Variants in GABRB3 observed in about 807,000 individuals in gnomAD.
The protein encoded by GABRB3 is gamma-aminobutyric acid receptor subunit beta-3.
A neutral mutation model predicts 52.1 loss-of-function variants in GABRB3; 14 were observed. The ratio of observed to expected loss-of-function variants is 0.27; its 90% CI spans 0.18 to 0.42. The LOEUF (loss-of-function observed/expected upper bound fraction) is 0.42. GABRB3 is among the 10% of genes least tolerant of loss of function. GABRB3 has a pLI of 1.00. For synonymous variants in GABRB3, 260 were observed against 232.3 expected (o/e 1.12, Z -1.08); for missense variants, 307 against 609.1 (o/e 0.50, Z 5.22).
chr15:26,722,174 T>C (rs1474126871), intron 3 of GABRB3, among the ~76,000 whole-genome samples: 2 of 152,164 alleles, frequency 1.3e-5, no homozygotes, highest in African/African-American at 2.4e-5. Flanking sequence ...CAAGGGTTGC[T>C]CATTAGAACA....
At chr15:26,671,816 G>A (rs1887907097) in intron 3 of GABRB3, among the ~76,000 whole-genome samples, 1 of 152,104 alleles carries the variant, frequency 6.6e-6, no homozygotes, top group African/African-American at 2.4e-5. Flanking sequence ...GGGGGACAAG[G>A]TGGTGAGGGC....
intron 3 of GABRB3, among the ~76,000 whole-genome samples, chr15:26,765,160 A>C (rs922091916): frequency 1.1e-4 from 16 of 147,308 alleles, no homozygotes; most frequent in Non-Finnish European, 1.9e-4. Flanking sequence ...AAACTTCCCT[A>C]TAATATACGA....
intron 6 of GABRB3, among the ~76,000 whole-genome samples, chr15:26,576,598 G>T (rs1890602286): frequency 1.3e-5 from 2 of 152,076 alleles, no homozygotes; most frequent in Non-Finnish European, 2.9e-5. Flanking sequence ...GATTTTAATG[G>T]AGAGATAAAA....
At chr15:26,723,085 A>T (rs943701154) in intron 3 of GABRB3, among the ~76,000 whole-genome samples, 1 of 152,194 alleles carries the variant, frequency 6.6e-6, no homozygotes, top group African/African-American at 2.4e-5. Flanking sequence ...CAAGTTCTGC[A>T]ATCATGGTAA....
chr15:26,567,662 T>G lies in GABRB3; in HGVS notation c.754A>C (p.Met252Leu). The G allele has an allele frequency of 6.2e-7, 1 of 1,614,142 alleles. No individual in the cohort carries two copies. Among genetic ancestry groups the G allele is most frequent in the Non-Finnish European group, 8.5e-7 (1 of 1,180,016 alleles). ...NIGYFILQTY[M>L]PSILITILSW... Reference sequence around the variant, plus strand: ...AGAATCGTTATCAGTATAGAGGGCATATAAGTCTGAAGAATGAAGTATCCA... The same window carrying G: ...AGAATCGTTATCAGTATAGAGGGCAGATAAGTCTGAAGAATGAAGTATCCA... Residue 252 changes from methionine (M) to leucine (L), a missense_variant, in exon 7 of 9, where the codon ATG (methionine) becomes CTG (leucine). Coordinates refer to ENST00000311550, the MANE Select transcript of GABRB3 (RefSeq NM_000814.6).
intron 3 of GABRB3, among the ~76,000 whole-genome samples, chr15:26,719,920 C>G (rs1482148586): frequency 1.3e-5 from 2 of 152,182 alleles, no homozygotes; most frequent in Non-Finnish European, 2.9e-5. Flanking sequence ...CATCATATCC[C>G]CTGTGACCTG....
intron 4 of GABRB3, chr15:26,590,128 T>C (rs780919621): frequency 6.6e-6 from 1 of 152,070 alleles, no homozygotes; most frequent in Non-Finnish European, 1.5e-5. Flanking sequence ...AATTCTTACC[T>C]GCAGAATTCA....
intron 3 of GABRB3, among the ~76,000 whole-genome samples, chr15:26,737,012 C>G (rs748953069): frequency 5.3e-5 from 8 of 152,226 alleles, no homozygotes; most frequent in South Asian, 4.1e-4. Context: ...GATTTTCCCT[C>G]TTAGCCTCCT....
At chr15:26,767,163 A>C (rs1891019782) in intron 3 of GABRB3, 1 of 152,156 alleles carries the variant, frequency 6.6e-6, no homozygotes, top group Non-Finnish European at 1.5e-5. Flanking sequence ...TCCCAAATGG[A>C]GCAACCTAGA....
At chr15:26,753,882 G>C (rs897100937) in intron 3 of GABRB3, among the ~76,000 whole-genome samples, 2 of 152,166 alleles carry the variant, frequency 1.3e-5, no homozygotes, top group Non-Finnish European at 2.9e-5. Context: ...TCTTCTGATG[G>C]AAACAGAACT....
rs1555383013 is a variant in GABRB3 at position 26,760,805 on chromosome 15, G to GCACACACACACACA, written c.240+11596_240+11597insTGTGTGTGTGTGTG. Among the ~76,000 whole-genome samples the GCACACACACACACA allele has an allele frequency of 4.5e-4, 8 of 17,656 alleles. No individual in the cohort carries two copies. The South Asian group carries it at 0.028, about 61-fold the overall frequency. 11.6% of individuals were successfully genotyped at this position (17,656 alleles called of 152,430 possible). On this transcript the variant is annotated intron_variant, in intron 3 of 8. Coordinates refer to ENST00000311550, the MANE Select transcript of GABRB3 (RefSeq NM_000814.6). The stretch of plus-strand genomic sequence containing the variant: ...TCTAAATGCCAACACACACACACGC[G>GCACACACACACACA]CACGCACACACACACACACACAAGC...
intron 3 of GABRB3, among the ~76,000 whole-genome samples, chr15:26,770,157 T>G (rs1255452052): frequency 6.6e-6 from 1 of 152,228 alleles, no homozygotes; most frequent in East Asian, 1.9e-4. Context: ...CAGATTTTTC[T>G]AAAACATGAC....
intron 3 of GABRB3, among the ~76,000 whole-genome samples, chr15:26,705,211 G>A (rs1889060323): frequency 6.6e-6 from 1 of 152,182 alleles, no homozygotes; most frequent in Non-Finnish European, 1.5e-5. Context: ...GGGCTTTCCT[G>A]CTGTGTCCTC....
chr15:26,710,330 C>G (rs1889253008), intron 3 of GABRB3, among the ~76,000 whole-genome samples: 2 of 152,300 alleles, frequency 1.3e-5, no homozygotes, highest in South Asian at 4.1e-4. Context: ...GGTGCAATCT[C>G]AGCTCACTGC....
intron 3 of GABRB3, among the ~76,000 whole-genome samples, chr15:26,670,441 G>C (rs537869439): frequency 6.6e-6 from 1 of 152,172 alleles, no homozygotes; most frequent in South Asian, 2.1e-4. Flanking sequence ...GGCGCGGGAG[G>C]CTGGGCGCAG....
intron 3 of GABRB3, among the ~76,000 whole-genome samples, chr15:26,734,091 A>G (rs1408919306): frequency 7.5e-6 from 1 of 132,912 alleles, no homozygotes; most frequent in Non-Finnish European, 1.5e-5. Flanking sequence ...GTGCAATGGC[A>G]TGATCTCGCC....
At chr15:26,569,540 G>A (rs931311980) in intron 6 of GABRB3, among the ~76,000 whole-genome samples, 2 of 152,188 alleles carry the variant, frequency 1.3e-5, no homozygotes, top group Non-Finnish European at 1.5e-5. Flanking sequence ...GAATGCTGTA[G>A]ATTTAGGTGT....
Position 26,637,445 on chromosome 15 carries a change from A to G in GABRB3, c.241-15911T>C, listed in dbSNP as rs538271023. Among the ~76,000 whole-genome samples the G allele has an allele frequency of 5.3e-5, 8 of 152,256 alleles. No individual in the cohort carries two copies. In the South Asian group the frequency reaches 1.5e-3, roughly 28 times the overall value. ...TTCCCCCTGCTAGAACATCAGCTGC[A>G]TGAGTGCAGGAAATTCTTTCTCTTT... On this transcript the variant is annotated intron_variant, in intron 3 of 8. Coordinates refer to ENST00000311550, the MANE Select transcript of GABRB3 (RefSeq NM_000814.6).
At chr15:26,703,713 A>T (rs1889008921) in intron 3 of GABRB3, among the ~76,000 whole-genome samples, 2 of 152,350 alleles carry the variant, frequency 1.3e-5, no homozygotes, top group Non-Finnish European at 2.9e-5. Flanking sequence ...GATAGTGCCA[A>T]AAGAGAGGAA....
Sources: allele counts gnomAD v4.1 joint callset (sites outside exome capture counted in the v4.1 genomes callset), GRCh38; gene constraint gnomAD v4.1.1; transcripts MANE v1.5; gene names NCBI Gene and HGNC (gene_info 2026-07-23, HGNC 2026-07-21).